The following SAMD12 variants were observed in gnomAD, a reference collection of about 807,000 sequenced individuals.
SAMD12 encodes the protein sterile alpha motif domain-containing protein 12.
Under a neutral mutation model 15.0 loss-of-function variants are expected in SAMD12, and 9 were observed. That is an observed-to-expected ratio of 0.60 (90% CI 0.36 to 1.05). SAMD12 has a LOEUF of 1.05. Ranked by LOEUF, SAMD12 falls within the 50% of genes least tolerant of loss-of-function variation. The pLI, the probability that SAMD12 is intolerant of heterozygous loss-of-function variation, is 0.01. For synonymous variants in SAMD12, 86 were observed against 90.1 expected (o/e 0.96, Z 0.25); for missense variants, 230 against 234.2 (o/e 0.98, Z 0.12).
the SAMD12 span, among the ~76,000 whole-genome samples, chr8:118,147,968 C>T: frequency 2.0e-5 from 3 of 151,388 alleles, no homozygotes; most frequent in African/African-American, 4.9e-5. Flanking sequence ...ATGGATTCCA[C>T]CCAAGCTGGA....
intron 4 of SAMD12, among the ~76,000 whole-genome samples, chr8:118,220,563 A>T (rs1420399587): frequency 6.6e-6 from 1 of 152,202 alleles, no homozygotes; most frequent in African/African-American, 2.4e-5. Flanking sequence ...ATCATGTTAT[A>T]AAATCAGTTT....
At chr8:118,188,650 TAGAGTC>T (rs1819284237), downstream of SAMD12, among the ~76,000 whole-genome samples, 1 of 152,138 alleles carries the variant, frequency 6.6e-6, no homozygotes, top group Admixed American at 6.5e-5. Context: ...TCATATTCAG[TAGAGTC>T]AGAGTGTCTA....
At chr8:118,162,084 TG>T in the SAMD12 span, among the ~76,000 whole-genome samples, 1 of 150,216 alleles carries the variant, frequency 6.7e-6, no homozygotes, top group South Asian at 2.1e-4. Flanking sequence ...CACTTGTACC[TG>T]GAAGGCGGAG....
chr8:118,491,308 C>A (rs1824434486), intron 2 of SAMD12, among the ~76,000 whole-genome samples: 1 of 152,180 alleles, frequency 6.6e-6, no homozygotes, highest in Admixed American at 6.5e-5. Context: ...GATCTAACAT[C>A]CTTTAGGTGT....
At chr8:118,281,845 T>G (rs2130164308) in intron 4 of SAMD12, among the ~76,000 whole-genome samples, 1 of 152,306 alleles carries the variant, frequency 6.6e-6, no homozygotes, top group African/African-American at 2.4e-5. Flanking sequence ...ATTTGCTCAT[T>G]TATTTTCTTT....
intron 4 of SAMD12, among the ~76,000 whole-genome samples, chr8:118,292,794 C>T (rs990436929): frequency 6.6e-6 from 1 of 151,142 alleles, no homozygotes; most frequent in African/African-American, 2.4e-5. Flanking sequence ...AGTAAACTAT[C>T]GCAAGAACAA....
the SAMD12 span, among the ~76,000 whole-genome samples, chr8:118,137,304 C>T: frequency 1.3e-5 from 2 of 152,176 alleles, no homozygotes; most frequent in African/African-American, 4.8e-5. Flanking sequence ...CAGTCAGAGG[C>T]TGAAGTGAAG....
chr8:118,293,792 A>G (rs1814549226), intron 4 of SAMD12, among the ~76,000 whole-genome samples: 1 of 152,158 alleles, frequency 6.6e-6, no homozygotes, highest in Non-Finnish European at 1.5e-5. Context: ...AACTCCTTTC[A>G]TAACCAGTCT....
At chr8:118,595,347 A>G (rs1011874785) in intron 1 of SAMD12, among the ~76,000 whole-genome samples, 30 of 152,250 alleles carry the variant, frequency 2.0e-4, no homozygotes, top group African/African-American at 6.8e-4. Flanking sequence ...ATTGGCTGAT[A>G]TATTAAAAAA....
rs533663897 is a variant in SAMD12 at position 118,273,645 on chromosome 8, G to T, written c.434-75913C>A. On this transcript the variant is annotated intron_variant, in intron 4 of 4. Transcript: ENST00000409003. Reference sequence around the variant, plus strand: ...CCCCATGATGAACTCTGAGACATTGGATAAGGATTGTTGTGAAACAGACTG... The same window carrying T: ...CCCCATGATGAACTCTGAGACATTGTATAAGGATTGTTGTGAAACAGACTG... 4.6e-5 allele frequency among the ~76,000 whole-genome samples: 7 copies of T among 152,292 alleles called. No homozygotes were observed. In the South Asian group the frequency reaches 1.5e-3, roughly 32 times the overall value.
chr8:118,265,187 G>A (rs1813170368), intron 4 of SAMD12, among the ~76,000 whole-genome samples: 3 of 152,124 alleles, frequency 2.0e-5, no homozygotes, highest in Non-Finnish European at 1.5e-5. Context: ...AATTGGTAAA[G>A]CAATATCTCA....
At chr8:118,494,595 C>T (rs959677559) in intron 2 of SAMD12, among the ~76,000 whole-genome samples, 1 of 152,248 alleles carries the variant, frequency 6.6e-6, no homozygotes, top group East Asian at 1.9e-4. Flanking sequence ...CTGTACATAG[C>T]GCTCCCTCAG....
intron 2 of SAMD12, among the ~76,000 whole-genome samples, chr8:118,555,721 T>G (rs898170799): frequency 1.3e-5 from 2 of 152,226 alleles, no homozygotes; most frequent in Non-Finnish European, 2.9e-5. Context: ...GTAGTGCCAA[T>G]GAATTGCAGA....
At chr8:118,440,655 AAAACACAC>A (rs1822714948) in intron 2 of SAMD12, among the ~76,000 whole-genome samples, 1 of 67,820 alleles carries the variant, frequency 1.5e-5, no homozygotes. Flanking sequence ...ATTTATGAGG[AAAACACAC>A]ACACACACAC....
chr8:118,621,887 C>T lies in SAMD12; in HGVS notation c.-71G>A, dbSNP rs1350389434. On this transcript the variant is annotated 5_prime_UTR_variant, in exon 1 of 4. Transcript: ENST00000314727. ...TACTCCTCCTGCCCCGCGCTCCCCCCTTCCTCTCGCTTTCGCCTAAATATT... is the reference window on the plus strand; with the variant it reads ...TACTCCTCCTGCCCCGCGCTCCCCCTTTCCTCTCGCTTTCGCCTAAATATT... 18 of 1,522,152 alleles carry T rather than the reference C, an allele frequency of 1.2e-5. No individual in the cohort carries two copies. The highest frequency in any genetic ancestry group is 1.5e-5 in the Non-Finnish European group (16 of 1,096,300). 94.3% of individuals were successfully genotyped at this position (1,522,152 alleles called of 1,614,324 possible).
intron 2 of SAMD12, among the ~76,000 whole-genome samples, chr8:118,569,052 C>T (rs1288182323): frequency 6.6e-6 from 1 of 152,172 alleles, no homozygotes; most frequent in African/African-American, 2.4e-5. Context: ...TGATATTCAA[C>T]TTCAGCCAAT....
intron 4 of SAMD12, among the ~76,000 whole-genome samples, chr8:118,216,775 A>T (rs191696513): frequency 3.9e-5 from 6 of 152,316 alleles, no homozygotes; most frequent in African/African-American, 1.4e-4. Context: ...TGCTTAAAAC[A>T]GTAAGTTTCA....
chr8:118,225,504 CTG>C (rs1812170726), intron 4 of SAMD12, among the ~76,000 whole-genome samples: 1 of 152,156 alleles, frequency 6.6e-6, no homozygotes, highest in African/African-American at 2.4e-5. Context: ...GGGGTGAGCT[CTG>C]TACCATGCTG....
At chr8:118,392,010 C>A (rs565554227) in intron 3 of SAMD12, among the ~76,000 whole-genome samples, 3 of 151,964 alleles carry the variant, frequency 2.0e-5, no homozygotes, top group East Asian at 3.9e-4. Context: ...TCATTAGCTA[C>A]GTGGTCATTG....
Sources: allele counts gnomAD v4.1 joint callset (sites outside exome capture counted in the v4.1 genomes callset), GRCh38; gene constraint gnomAD v4.1.1; transcripts MANE v1.5; gene names NCBI Gene and HGNC (gene_info 2026-07-23, HGNC 2026-07-21).